Variants in KIAA1217 observed in about 807,000 individuals in gnomAD.
KIAA1217 encodes KIAA1217.
In KIAA1217, 88 loss-of-function variants were observed where a neutral mutation model predicts 163.9. The ratio of observed to expected loss-of-function variants is 0.54; its 90% CI spans 0.45 to 0.64. The LOEUF (loss-of-function observed/expected upper bound fraction) is 0.64, where lower values mean the gene tolerates loss of function less well. Among genes scored for constraint, KIAA1217 ranks in the 30% least tolerant of loss-of-function variants. The pLI is 0.00. For synonymous variants in KIAA1217, 903 were observed against 923.1 expected (o/e 0.98, Z 0.39); for missense variants, 2,372 against 2,475.0 (o/e 0.96, Z 0.88).
At chr10:24,318,288 A>G (rs1322200395) in intron 2 of KIAA1217, among the ~76,000 whole-genome samples, 1 of 152,206 alleles carries the variant, frequency 6.6e-6, no homozygotes, top group Non-Finnish European at 1.5e-5. Context: ...ATAGACAGAT[A>G]GACAGACAGA....
At chr10:23,941,710 G>T (rs1843775325) in intron 1 of KIAA1217, among the ~76,000 whole-genome samples, 2 of 152,116 alleles carry the variant, frequency 1.3e-5, no homozygotes, top group South Asian at 4.1e-4. Context: ...GCAAAAAGTG[G>T]CAGGTGAATG....
At chr10:24,138,993 G>GAATGT (rs2063944724) in intron 2 of KIAA1217, among the ~76,000 whole-genome samples, 1 of 152,070 alleles carries the variant, frequency 6.6e-6, no homozygotes, top group African/African-American at 2.4e-5. Flanking sequence ...CATAGGCTCT[G>GAATGT]AATGTTTTCT....
chr10:23,907,865 T>C (rs1183279142), intron 1 of KIAA1217, among the ~76,000 whole-genome samples: 2 of 151,336 alleles, frequency 1.3e-5, no homozygotes. Context: ...GCTTCCCCTA[T>C]GGGGAAAAAA....
intron 2 of KIAA1217, among the ~76,000 whole-genome samples, chr10:24,293,922 G>A (rs569943156): frequency 1.7e-4 from 26 of 152,252 alleles, no homozygotes; most frequent in African/African-American, 5.3e-4. Flanking sequence ...GGCCGGGTGC[G>A]GTGGCTCACG....
intron 2 of KIAA1217, among the ~76,000 whole-genome samples, chr10:24,078,903 G>A (rs973676192): frequency 2.6e-5 from 4 of 152,134 alleles, no homozygotes; most frequent in Non-Finnish European, 5.9e-5. Flanking sequence ...CAGCGCAAGT[G>A]GTTCTTACAA....
chr10:23,759,701 T>C (rs952639916), intron 1 of KIAA1217, among the ~76,000 whole-genome samples: 18 of 152,062 alleles, frequency 1.2e-4, no homozygotes, highest in Non-Finnish European at 8.8e-5. Flanking sequence ...AATGGTGTAG[T>C]GAGATAAGAA....
At chr10:24,421,967 G>T (rs1319581345) in intron 3 of KIAA1217, among the ~76,000 whole-genome samples, 2 of 152,122 alleles carry the variant, frequency 1.3e-5, no homozygotes, top group East Asian at 1.9e-4. Flanking sequence ...CCTGAGACTG[G>T]GTAATTGATC....
chr10:23,937,478 C>T (rs1355664632), intron 1 of KIAA1217, among the ~76,000 whole-genome samples: 2 of 152,156 alleles, frequency 1.3e-5, no homozygotes, highest in Non-Finnish European at 2.9e-5. Flanking sequence ...TCCTCTGTCA[C>T]GATATACATC....
At chr10:24,228,263 AAAC>A (rs1309177139) in intron 2 of KIAA1217, among the ~76,000 whole-genome samples, 2 of 152,078 alleles carry the variant, frequency 1.3e-5, no homozygotes, top group Non-Finnish European at 1.5e-5. Context: ...CCCCTTCTTA[AAAC>A]AACAACAACA....
intron 1 of KIAA1217, among the ~76,000 whole-genome samples, chr10:23,802,132 G>T (rs1836496050): frequency 6.6e-6 from 1 of 152,134 alleles, no homozygotes; most frequent in East Asian, 1.9e-4. Flanking sequence ...GTATAGATGT[G>T]CTAGGTTTCA....
chr10:24,320,563 A>C (rs1372045191), intron 2 of KIAA1217, among the ~76,000 whole-genome samples: 1 of 152,210 alleles, frequency 6.6e-6, no homozygotes, highest in Non-Finnish European at 1.5e-5. Context: ...TGTTCATAGC[A>C]CCACAGCACC....
At chr10:24,503,208 G>A (rs1279445095) in intron 9 of KIAA1217, among the ~76,000 whole-genome samples, 1 of 152,184 alleles carries the variant, frequency 6.6e-6, no homozygotes, top group Non-Finnish European at 1.5e-5. Flanking sequence ...GCTGGTTTGA[G>A]AGACCTGCCC....
intron 2 of KIAA1217, among the ~76,000 whole-genome samples, chr10:24,250,715 T>G (rs1405960278): frequency 8.3e-6 from 1 of 120,576 alleles, no homozygotes; most frequent in Non-Finnish European, 1.7e-5. Context: ...CCTCACAAAG[T>G]GCTGGGATTA....
At chr10:24,289,280 G>A (rs2132408408) in intron 2 of KIAA1217, among the ~76,000 whole-genome samples, 1 of 152,176 alleles carries the variant, frequency 6.6e-6, no homozygotes, top group Middle Eastern at 3.4e-3. Context: ...AAGGGGAAGT[G>A]GGAATATAGA....
At chr10:24,535,487 G>C (rs2073866166) in intron 16 of KIAA1217, among the ~76,000 whole-genome samples, 1 of 152,152 alleles carries the variant, frequency 6.6e-6, no homozygotes, top group Admixed American at 6.5e-5. Context: ...TAAATAAGTG[G>C]TCTTTCACCA....
At chr10:24,131,716 T>C (rs543678019) in intron 2 of KIAA1217, among the ~76,000 whole-genome samples, 2 of 152,286 alleles carry the variant, frequency 1.3e-5, no homozygotes, top group African/African-American at 4.8e-5. Context: ...AATCATTTAA[T>C]CCAAAAAGAA....
rs58161228 is a variant in KIAA1217, at chr10:24,422,901, C to CTTTTTTTTTTTTT, written c.554-10085_554-10073dup. ...CTCATATTACTTCCTATAGATTTAA[C>CTTTTTTTTTTTTT]TTTTTTTTTTTTTTTTTTTTTGAGA... On this transcript the variant is annotated intron_variant, in intron 3 of 20. Transcript: ENST00000376454. Among the ~76,000 whole-genome samples the CTTTTTTTTTTTTT allele has an allele frequency of 1.6e-4, 19 of 120,620 alleles. 1 individual carries two copies. Among genetic ancestry groups the CTTTTTTTTTTTTT allele is most frequent in the African/African-American group, 5.3e-4 (17 of 32,070 alleles). 79.1% of individuals were successfully genotyped at this position (120,620 alleles called of 152,430 possible).
At chr10:24,257,343 G>A (rs1262498109) in intron 2 of KIAA1217, among the ~76,000 whole-genome samples, 2 of 152,174 alleles carry the variant, frequency 1.3e-5, no homozygotes, top group Non-Finnish European at 2.9e-5. Context: ...CGGCGTGGGG[G>A]GTGGAGGGAG....
intron 3 of KIAA1217, among the ~76,000 whole-genome samples, chr10:24,428,195 A>G (rs1360671242): frequency 6.6e-6 from 1 of 152,230 alleles, no homozygotes; most frequent in Non-Finnish European, 1.5e-5. Flanking sequence ...GCCTTTCTGC[A>G]GTGGCCTCGC....
Sources: allele counts gnomAD v4.1 joint callset (sites outside exome capture counted in the v4.1 genomes callset), GRCh38; gene constraint gnomAD v4.1.1; transcripts MANE v1.5; gene names NCBI Gene and HGNC (gene_info 2026-07-23, HGNC 2026-07-21).